Variants in ADAMTSL1 observed in about 807,000 individuals in gnomAD.
ADAMTSL1 encodes the protein ADAMTS like 1.
ADAMTSL1 carries 126 observed loss-of-function variants against 201.8 expected under a neutral mutation model. That is an observed-to-expected ratio of 0.62 (90% confidence interval 0.54 to 0.72). ADAMTSL1 has a LOEUF of 0.72. Among genes scored for constraint, ADAMTSL1 ranks in the 30% least tolerant of loss-of-function variants. The pLI, the probability that ADAMTSL1 is intolerant of heterozygous loss-of-function variation, is 0.00. For synonymous variants in ADAMTSL1, 1,121 were observed against 903.4 expected (o/e 1.24, Z -4.32); for missense variants, 2,679 against 2,277.8 (o/e 1.18, Z -3.59).
intron 1 of ADAMTSL1, among the ~76,000 whole-genome samples, chr9:18,484,325 A>G (rs1246851475): frequency 6.6e-6 from 1 of 152,196 alleles, no homozygotes; most frequent in East Asian, 1.9e-4. Context: ...ATATTTAACT[A>G]TTGCTGATGT....
At chr9:18,073,288 G>C (rs1328041598) in intron 1 of ADAMTSL1, among the ~76,000 whole-genome samples, 2 of 152,168 alleles carry the variant, frequency 1.3e-5, no homozygotes, top group Non-Finnish European at 2.9e-5. Flanking sequence ...GTGTGGAGCT[G>C]AGTGATTCAG....
chr9:18,343,137 G>A (rs1270395806), intron 2 of ADAMTSL1, among the ~76,000 whole-genome samples: 1 of 151,860 alleles, frequency 6.6e-6, no homozygotes. Flanking sequence ...ACCAACCATG[G>A]CAACATAGTG....
chr9:18,624,187 A>C (rs922220110), intron 5 of ADAMTSL1, among the ~76,000 whole-genome samples: 15 of 152,234 alleles, frequency 9.9e-5, no homozygotes, highest in Non-Finnish European at 2.9e-5. Context: ...TGCAAAAAAA[A>C]TAAAATAAAT....
rs527503371 is a variant in ADAMTSL1 at position 18,657,877 on chromosome 9, A to T, written c.946+127A>T. ...TCTTGGACCAGATCCTTTCTTCTGA[A>T]CAGAGTGGAATCTCGAGGCCCTCCT... is the stretch of plus-strand genomic sequence containing the variant. On this transcript the variant is annotated intron_variant, in intron 8 of 28. Transcript: ENST00000380548. 35 of 732,336 alleles carry T rather than the reference A, an allele frequency of 4.8e-5. No individual in the cohort carries two copies. The African/African-American group carries it at 5.3e-4, about 11-fold the overall frequency. 45.4% of individuals were successfully genotyped at this position (732,336 alleles called of 1,614,324 possible).
chr9:18,520,731 T>A (rs571774316), intron 2 of ADAMTSL1, among the ~76,000 whole-genome samples: 5 of 152,322 alleles, frequency 3.3e-5, no homozygotes, highest in Admixed American at 3.3e-4. Flanking sequence ...CCTTGTTGTT[T>A]CTTGTATTAT....
intron 1 of ADAMTSL1, among the ~76,000 whole-genome samples, chr9:18,496,411 C>G (rs1425918602): frequency 6.6e-6 from 1 of 152,190 alleles, no homozygotes; most frequent in Non-Finnish European, 1.5e-5. Context: ...AGAACGCATC[C>G]AATCATGAGT....
Position 18,891,444 on chromosome 9 carries a change from T to A in ADAMTSL1, c.4644-945T>A, listed in dbSNP as rs1829265101. Among the ~76,000 whole-genome samples, 3 of 152,218 alleles carry A rather than the reference T, an allele frequency of 2.0e-5. No individual in the cohort carries two copies. In the South Asian group the frequency reaches 6.2e-4, roughly 31 times the overall value. On this transcript the variant is annotated intron_variant, in intron 25 of 28. Coordinates refer to ENST00000380548, the MANE Select transcript of ADAMTSL1 (RefSeq NM_001040272.6). Reference sequence around the variant, plus strand: ...GATTTCCCCAAGCTCTCTCCTTCTCTTTGAGAATTACCACAGGGTGCACAC... The same window carrying A: ...GATTTCCCCAAGCTCTCTCCTTCTCATTGAGAATTACCACAGGGTGCACAC...
At chr9:18,409,757 A>G (rs1818356743) in intron 2 of ADAMTSL1, among the ~76,000 whole-genome samples, 1 of 150,552 alleles carries the variant, frequency 6.6e-6, no homozygotes, top group Non-Finnish European at 1.5e-5. Context: ...TATACATAAC[A>G]TATATGTATA....
chr9:18,476,134 A>G (rs116107702), intron 1 of ADAMTSL1, among the ~76,000 whole-genome samples: 1,843 of 152,306 alleles, frequency 0.012, 33 homozygotes, highest in African/African-American at 0.042. Flanking sequence ...TTATGCTACA[A>G]AAGGAAGAAC....
At position 18,607,823 on chromosome 9, in the gene ADAMTSL1, C is replaced by T. The variant is rs181991266; in HGVS notation, c.475-14420C>T. Reference sequence around the variant, plus strand: ...GTTCCCACCTATGAGTGAGAACATGCGGTGTTCGGTTTTTTGTCATTGCGA... The same window carrying T: ...GTTCCCACCTATGAGTGAGAACATGTGGTGTTCGGTTTTTTGTCATTGCGA... On this transcript the variant is annotated intron_variant, in intron 4 of 28. Transcript: ENST00000380548. 6.1e-4 allele frequency among the ~76,000 whole-genome samples: 92 copies of T among 151,502 alleles called. 1 individual carries two copies. Among genetic ancestry groups the T allele is most frequent in the African/African-American group, 2.0e-3 (82 of 41,308 alleles).
chr9:18,780,644 T>C (rs1821341211), intron 19 of ADAMTSL1, among the ~76,000 whole-genome samples: 1 of 152,196 alleles, frequency 6.6e-6, no homozygotes, highest in South Asian at 2.1e-4. Context: ...AATAATTTGG[T>C]ATACATCCTT....
chr9:18,598,482 A>T (rs1016991610), intron 4 of ADAMTSL1, among the ~76,000 whole-genome samples: 1 of 152,052 alleles, frequency 6.6e-6, no homozygotes, highest in Non-Finnish European at 1.5e-5. Flanking sequence ...GTCTCTTTTT[A>T]TTTGGATTAT....
intron 2 of ADAMTSL1, among the ~76,000 whole-genome samples, chr9:18,352,667 C>A (rs571518135): frequency 6.6e-6 from 1 of 152,138 alleles, no homozygotes; most frequent in South Asian, 2.1e-4. Flanking sequence ...TAAAAATGTA[C>A]GCCATGTGAT....
chr9:18,841,611 G>A (rs538286693), intron 23 of ADAMTSL1, among the ~76,000 whole-genome samples: 5,681 of 152,238 alleles, frequency 0.037, 379 homozygotes, highest in African/African-American at 0.13. Context: ...CAGAAGGAAT[G>A]GTACCAGTTC....
intron 2 of ADAMTSL1, among the ~76,000 whole-genome samples, chr9:18,429,508 C>A (rs927917193): frequency 6.6e-6 from 1 of 152,096 alleles, no homozygotes. Flanking sequence ...AAAACTTTGA[C>A]TCTATTGCTT....
chr9:17,989,511 A>G (rs1395728445), intron 1 of ADAMTSL1, among the ~76,000 whole-genome samples: 4 of 152,032 alleles, frequency 2.6e-5, no homozygotes, highest in African/African-American at 4.8e-5. Flanking sequence ...CCTTTTAGGC[A>G]AAGGTTTTTG....
chr9:18,594,922 G>T (rs937297201), intron 4 of ADAMTSL1, among the ~76,000 whole-genome samples: 4 of 152,282 alleles, frequency 2.6e-5, no homozygotes, highest in African/African-American at 9.6e-5. Context: ...ATTCTTCAAA[G>T]GGTGGTTTTC....
chr9:18,582,288 C>G (rs976965875), intron 4 of ADAMTSL1, among the ~76,000 whole-genome samples: 1 of 152,168 alleles, frequency 6.6e-6, no homozygotes, highest in Non-Finnish European at 1.5e-5. Context: ...TCTCTTGGCT[C>G]TCACATTTTA....
At chr9:18,631,448 A>C (rs1826766584) in intron 5 of ADAMTSL1, among the ~76,000 whole-genome samples, 1 of 152,208 alleles carries the variant, frequency 6.6e-6, no homozygotes, top group East Asian at 1.9e-4. Flanking sequence ...TTGGCAGACT[A>C]TTTTTATACA....
Sources: gnomAD v4.1 joint callset for allele counts (sites outside exome capture counted in the v4.1 genomes callset) on GRCh38, gnomAD v4.1.1 for gene constraint, MANE v1.5 for transcripts, NCBI Gene and HGNC (gene_info 2026-07-23, HGNC 2026-07-21) for gene names.